KCNN2: variants seen among roughly 807,000 people sequenced by gnomAD.
The protein encoded by KCNN2 is potassium calcium-activated channel subfamily N member 2, also known as small conductance calcium-activated potassium channel protein 2.
A neutral mutation model predicts 55.5 loss-of-function variants in KCNN2; 24 were observed. That is an observed-to-expected ratio of 0.43 (90% CI 0.31 to 0.61). The LOEUF is 0.61. KCNN2 is among the 20% of genes least tolerant of loss of function. The pLI, the probability that KCNN2 is intolerant of heterozygous loss-of-function variation, is 0.08. For synonymous variants in KCNN2, 431 were observed against 336.1 expected (o/e 1.28, Z -3.09); for missense variants, 754 against 853.6 (o/e 0.88, Z 1.45).
intron 2 of KCNN2, among the ~76,000 whole-genome samples, chr5:114,369,413 G>A (rs1757697941): frequency 6.6e-6 from 1 of 152,130 alleles, no homozygotes; most frequent in South Asian, 2.1e-4. Flanking sequence ...TTTTGGAGGA[G>A]GTTGTTGAAG....
intron 2 of KCNN2, among the ~76,000 whole-genome samples, chr5:114,312,050 C>T (rs1054106669): frequency 1.3e-5 from 2 of 152,038 alleles, no homozygotes; most frequent in African/African-American, 4.8e-5. Flanking sequence ...AATCAGGGAT[C>T]TACCTCTAGT....
At position 114,126,815 on chromosome 5, in the gene KCNN2, G is replaced by T. The variant is rs1561486409; in HGVS notation, c.-271+70315G>T. 2.0e-5 allele frequency among the ~76,000 whole-genome samples: 3 copies of T among 152,274 alleles called. No individual in the cohort carries two copies. The East Asian group carries it at 5.8e-4, about 29-fold the overall frequency. ...TATGAGCCTGTAAAATCAAAAGCAA[G>T]TTAGTTACTTCCTAGATACAATGGG... is the stretch of plus-strand genomic sequence containing the variant. On this transcript the variant is annotated intron_variant, in intron 1 of 10. Transcript: ENST00000512097.
At chr5:114,480,747 C>T (rs1476057958) in intron 5 of KCNN2, among the ~76,000 whole-genome samples, 1 of 152,164 alleles carries the variant, frequency 6.6e-6, no homozygotes, top group African/African-American at 2.4e-5. Flanking sequence ...ATCACAATAA[C>T]AGAACTAAGG....
At chr5:114,394,937 T>A (rs989207760) in intron 2 of KCNN2, among the ~76,000 whole-genome samples, 5 of 152,232 alleles carry the variant, frequency 3.3e-5, no homozygotes, top group African/African-American at 1.2e-4. Context: ...TTTTCAGAAT[T>A]TTCCTGGCTA....
intron 2 of KCNN2, among the ~76,000 whole-genome samples, chr5:114,272,410 TATCTACACACATATGTACGTACATATC>T: frequency 1.2e-4 from 2 of 16,902 alleles, no homozygotes; most frequent in African/African-American, 1.8e-4. Context: ...TGTATGTACA[TATCTACACACATATGTACGTACATATC>T]ATATACACAC....
At chr5:114,460,279 A>C (rs1761131203) in intron 3 of KCNN2, among the ~76,000 whole-genome samples, 1 of 152,138 alleles carries the variant, frequency 6.6e-6, no homozygotes, top group African/African-American at 2.4e-5. Context: ...TCACTCTGTC[A>C]TCCAGGCTGG....
intron 3 of KCNN2, among the ~76,000 whole-genome samples, chr5:114,456,401 C>T (rs1252002391): frequency 6.6e-6 from 1 of 151,736 alleles, no homozygotes; most frequent in African/African-American, 2.4e-5. Context: ...AACAAACAAA[C>T]AAAAAAAGAC....
At chr5:114,105,345 A>C (rs866995024) in intron 1 of KCNN2, among the ~76,000 whole-genome samples, 1 of 151,526 alleles carries the variant, frequency 6.6e-6, no homozygotes, top group African/African-American at 2.4e-5. Context: ...TCAGAAGCTA[A>C]ATGCAAAAAC....
chr5:114,426,512 T>G (rs1196061835), intron 3 of KCNN2, among the ~76,000 whole-genome samples: 1 of 152,236 alleles, frequency 6.6e-6, no homozygotes, highest in East Asian at 1.9e-4. Context: ...AGAGAATTAA[T>G]TAAATGAAGT....
At chr5:114,359,052 T>G (rs1383752239), upstream of KCNN2, among the ~76,000 whole-genome samples, 2 of 152,224 alleles carry the variant, frequency 1.3e-5, no homozygotes, top group Non-Finnish European at 2.9e-5. Flanking sequence ...ACTCTCAATA[T>G]ACAGATATTT....
Position 114,130,611 on chromosome 5 carries a change from AT to A in KCNN2, c.-271+74112del, listed in dbSNP as rs564686297. Reference sequence around the variant, plus strand: ...TGCCACCTCTTACTTGCAGAGTTAGATGTAGAGTTAGTCTGTTTTTGTGCCT... The same window carrying A: ...TGCCACCTCTTACTTGCAGAGTTAGAGTAGAGTTAGTCTGTTTTTGTGCCT... On this transcript the variant is annotated intron_variant, in intron 1 of 10. Transcript: ENST00000512097. Among the ~76,000 whole-genome samples, 8 of 152,244 alleles carry A rather than the reference AT, an allele frequency of 5.3e-5. No individual in the cohort carries two copies. The South Asian group carries it at 1.7e-3, about 32-fold the overall frequency.
chr5:114,188,439 G>A (rs770182878), intron 1 of KCNN2, among the ~76,000 whole-genome samples: 6 of 152,044 alleles, frequency 3.9e-5, no homozygotes, highest in Non-Finnish European at 7.4e-5. Context: ...TTGATAATAA[G>A]CCAGTATGAA....
chr5:114,459,021 A>C (rs1384278542), intron 3 of KCNN2, among the ~76,000 whole-genome samples: 1 of 152,240 alleles, frequency 6.6e-6, no homozygotes, highest in Non-Finnish European at 1.5e-5. Context: ...GGGAAAGATA[A>C]CTTCTGTGAA....
chr5:114,228,943 TCTA>T (rs1368135284), intron 2 of KCNN2, among the ~76,000 whole-genome samples: 1 of 152,090 alleles, frequency 6.6e-6, no homozygotes, highest in Non-Finnish European at 1.5e-5. Context: ...ATCTAATGAT[TCTA>T]CTATTTTAAA....
intron 2 of KCNN2, among the ~76,000 whole-genome samples, chr5:114,283,900 C>G (rs1755679359): frequency 6.6e-6 from 1 of 152,170 alleles, no homozygotes; most frequent in South Asian, 2.1e-4. Flanking sequence ...CTTTGTCACG[C>G]ATTACATTCT....
At chr5:114,101,633 G>A (rs1394938166) in intron 1 of KCNN2, among the ~76,000 whole-genome samples, 1 of 151,176 alleles carries the variant, frequency 6.6e-6, no homozygotes, top group Non-Finnish European at 1.5e-5. Context: ...AGCTCCTTGT[G>A]CCCAAATGGT....
At chr5:114,279,742 T>C (rs191823083) in intron 2 of KCNN2, among the ~76,000 whole-genome samples, 171 of 152,108 alleles carry the variant, frequency 1.1e-3, no homozygotes, top group African/African-American at 4.1e-3. Flanking sequence ...CTATTGTGAA[T>C]AGTGCCGCAA....
At chr5:114,128,241 A>C (rs939685061) in intron 1 of KCNN2, among the ~76,000 whole-genome samples, 1 of 152,206 alleles carries the variant, frequency 6.6e-6, no homozygotes, top group African/African-American at 2.4e-5. Flanking sequence ...AAAGAGGCTT[A>C]ATTGACTCAC....
At chr5:114,430,564 T>C (rs1472658730) in intron 3 of KCNN2, among the ~76,000 whole-genome samples, 3 of 152,106 alleles carry the variant, frequency 2.0e-5, no homozygotes, top group African/African-American at 7.2e-5. Context: ...GTTTTATTTC[T>C]CCCTTCTCAA....
Sources: gnomAD v4.1 joint callset for allele counts (sites outside exome capture counted in the v4.1 genomes callset) on GRCh38, gnomAD v4.1.1 for gene constraint, MANE v1.5 for transcripts, NCBI Gene and HGNC (gene_info 2026-07-23, HGNC 2026-07-21) for gene names.